The following C1orf159 variants were observed in gnomAD, a reference collection of about 807,000 sequenced individuals.
C1orf159 encodes the protein uncharacterized protein C1orf159.
C1orf159 carries 19 observed loss-of-function variants against 25.6 expected under a neutral mutation model. The ratio of observed to expected loss-of-function variants is 0.74; its 90% CI spans 0.52 to 1.09. The LOEUF (loss-of-function observed/expected upper bound fraction) is 1.09. Ranked by LOEUF, C1orf159 falls within the 50% of genes least tolerant of loss-of-function variation. C1orf159 has a pLI of 0.00. For synonymous variants in C1orf159, 139 were observed against 124.7 expected, an observed-to-expected ratio of 1.12 and a Z score of -0.77; for missense variants, 274 against 290.6, an observed-to-expected ratio of 0.94 and a Z score of 0.42.
At chr1:1,088,567 G>A (rs997681797) in intron 4 of C1orf159, among the ~76,000 whole-genome samples, 1 of 151,232 alleles carries the variant, frequency 6.6e-6, no homozygotes, top group Non-Finnish European at 1.5e-5. Context: ...CCAGGCCGAC[G>A]CTGCGCCTGA....
rs976854235 is a variant in C1orf159, at chr1:1,089,528, C to T, written c.148+825G>A. Among the ~76,000 whole-genome samples the T allele has an allele frequency of 3.3e-5, 5 of 152,152 alleles. No individual in the cohort carries two copies. The highest frequency in any genetic ancestry group is 2.9e-5 in the Non-Finnish European group (2 of 68,010). Reference sequence around the variant, plus strand: ...ACTGCCTTCCTGTGGGCTCCCCAACCCCCACGCCCAGCCTCGGACCCCCGC... The same window carrying T: ...ACTGCCTTCCTGTGGGCTCCCCAACTCCCACGCCCAGCCTCGGACCCCCGC... On this transcript the variant is annotated intron_variant, in intron 4 of 9. Transcript: ENST00000421241. The surrounding 1 kb of genome is among the most constrained non-coding windows in gnomAD (Gnocchi z 7.5).
Position 1,087,533 on chromosome 1 carries a change from G to A in C1orf159, c.213C>T (p.Leu71=), listed in dbSNP as rs1645851070. The A allele has an allele frequency of 1.9e-6, 3 of 1,549,798 alleles. No individual in the cohort carries two copies. Among genetic ancestry groups the A allele is most frequent in the Non-Finnish European group, 2.6e-6 (3 of 1,146,712 alleles). ...TACACTCGGAGCCGTTGTAGGCTGG[G>A]AGGGTTCCGTTCCCACAGCGGACGC... The part of the protein sequence containing the change: ...ASCVRCGNGT[L]PAYNGSECRS... The change falls in exon 5 of 10, where the codon CTC becomes CTT. Residue 71 remains leucine, a synonymous_variant. Coordinates refer to ENST00000421241, the MANE Select transcript of C1orf159 (RefSeq NM_017891.5). The surrounding 1 kb of genome is among the most constrained non-coding windows in gnomAD (Gnocchi z 8.3).
At position 1,082,909 on chromosome 1, in the gene C1orf159, C is replaced by A; in HGVS notation, c.581G>T (p.Arg194Leu). ...GCCTCCAGGTCAGACATTGCTGATA[C>A]GGGCCTCCCCCGGGAAGGCAGCGGG... ...TDPAAFPGEA[R>L]ISNV The change falls in exon 10 of 10, where the codon CGT becomes CTT. Residue 194 changes from arginine to leucine, a missense_variant. By Grantham distance (102) the Arg-to-Leu change is moderately radical. Coordinates refer to ENST00000421241, the MANE Select transcript of C1orf159 (RefSeq NM_017891.5). 1 of 1,595,214 alleles carries A rather than the reference C, an allele frequency of 6.3e-7. No homozygotes were observed. The highest frequency in any genetic ancestry group is 1.7e-4 in the Middle Eastern group (1 of 6,044).
intron 7 of C1orf159, 97 bp from the exon 8 acceptor site, chr1:1,084,603 C>A: frequency 6.7e-7 from 1 of 1,483,234 alleles, no homozygotes; most frequent in Non-Finnish European, 9.1e-7. Flanking sequence ...GGAGCTGCCT[C>A]AGCCTCAGCC....
intron 4 of C1orf159, 150 bp downstream of exon 4, chr1:1,090,203 C>T: frequency 8.6e-6 from 7 of 810,264 alleles, no homozygotes; most frequent in Non-Finnish European, 1.2e-5. Context: ...TGTCCTTCCC[C>T]AAGCTCCACA....
intron 1 of C1orf159, among the ~76,000 whole-genome samples, chr1:1,104,380 CTG>C (rs1342933165): frequency 6.6e-6 from 1 of 152,244 alleles, no homozygotes; most frequent in Non-Finnish European, 1.5e-5. Context: ...AAACAGGAAA[CTG>C]TGCTGGTTGC....
At chr1:1,083,152 C>G in intron 9 of C1orf159, 165 bp from the exon 10 acceptor site, 1 of 571,378 alleles carries the variant, frequency 1.8e-6, no homozygotes, top group Non-Finnish European at 3.1e-6. Context: ...GCCCCTAAGG[C>G]GCCCTCAGAG....
intron 1 of C1orf159, among the ~76,000 whole-genome samples, chr1:1,115,313 C>T (rs1018221364): frequency 1.4e-4 from 21 of 152,294 alleles, no homozygotes; most frequent in South Asian, 4.1e-4. Context: ...TAGCCCTCGG[C>T]TACTCCAGGT....
chr1:1,087,105 C>G lies in C1orf159; in HGVS notation c.310+34G>C. 1 of 1,594,292 alleles carries G rather than the reference C, an allele frequency of 6.3e-7. No individual in the cohort carries two copies. The highest frequency in any genetic ancestry group is 8.5e-7 in the Non-Finnish European group (1 of 1,172,156). ...CCGACGGCCCCCAGCCCCCAGGACA[C>G]CGGCAGAGGTGGCTGTGGCCTGCTG... On this transcript the variant is annotated intron_variant, in intron 6 of 9. Coordinates refer to ENST00000421241, the MANE Select transcript of C1orf159 (RefSeq NM_017891.5). The surrounding 1 kb of genome is among the most constrained non-coding windows in gnomAD (Gnocchi z 8.3).
chr1:1,082,416 G>A lies in C1orf159; in HGVS notation c.*477C>T. Reference sequence around the variant, plus strand: ...CCTCCCCACTGGCCGGGCACCGGCTGGAACGGCACGAGGACCAGCCTCACT... The same window carrying A: ...CCTCCCCACTGGCCGGGCACCGGCTAGAACGGCACGAGGACCAGCCTCACT... On this transcript the variant is annotated 3_prime_UTR_variant, in exon 10 of 10. Transcript: ENST00000421241. 1 of 176,142 alleles carries A rather than the reference G, an allele frequency of 5.7e-6. No individual in the cohort carries two copies. Among genetic ancestry groups the A allele is most frequent in the Non-Finnish European group, 1.2e-5 (1 of 81,522 alleles). The allele number at this position is 176,142 out of a possible 1,614,324, so 10.9% of individuals were successfully genotyped here. A position where few individuals can be genotyped will look rare whatever the true frequency, so the allele number is the denominator to read the frequency against.
chr1:1,098,736 C>T (rs982425697), intron 1 of C1orf159, among the ~76,000 whole-genome samples: 3 of 152,116 alleles, frequency 2.0e-5, no homozygotes, highest in African/African-American at 4.8e-5. Context: ...CTCAGCCTCC[C>T]GAGGAGCTGG....
At position 1,097,720 on chromosome 1, in the gene C1orf159, C is replaced by G. The variant is rs552506576; in HGVS notation, c.-135-5617G>C. Among the ~76,000 whole-genome samples, 10 of 151,874 alleles carry G rather than the reference C, an allele frequency of 6.6e-5. No homozygotes were observed. In the South Asian group the frequency reaches 2.1e-3, roughly 32 times the overall value. On this transcript the variant is annotated intron_variant, in intron 1 of 9. Transcript: ENST00000421241. ...TTACAGGCGTGAACCACCCACCTCA[C>G]CTGGCTCTTTCTTCTTTCTTAAAAT... is the stretch of plus-strand genomic sequence containing the variant.
intron 1 of C1orf159, among the ~76,000 whole-genome samples, chr1:1,108,063 C>G (rs1402973381): frequency 6.6e-6 from 1 of 152,122 alleles, no homozygotes; most frequent in African/African-American, 2.4e-5. Flanking sequence ...CACCATTCAC[C>G]ACAGCCACCA....
chr1:1,112,448 C>G (rs970230866), intron 1 of C1orf159, among the ~76,000 whole-genome samples: 25 of 151,648 alleles, frequency 1.6e-4, no homozygotes, highest in Non-Finnish European at 4.4e-5. Context: ...GAACACACAG[C>G]GCATGCTCCC....
chr1:1,110,859 C>T lies in C1orf159; in HGVS notation c.-136+5201G>A, dbSNP rs775215430. On this transcript the variant is annotated intron_variant, in intron 1 of 9. Coordinates refer to ENST00000421241, the MANE Select transcript of C1orf159 (RefSeq NM_017891.5). The surrounding 1 kb of genome is among the most constrained non-coding windows in gnomAD (Gnocchi z 4.8). ...AGTTCTCTGCGTGAGCCGTGGCAGA[C>T]GCAAAACCGCCCGCACGTGTGACTC... Among the ~76,000 whole-genome samples the T allele has an allele frequency of 5.3e-5, 8 of 152,240 alleles. No homozygotes were observed. The highest frequency in any genetic ancestry group is 1.0e-4 in the Non-Finnish European group (7 of 68,044).
chr1:1,086,163 T>A (rs1645827808), intron 6 of C1orf159, among the ~76,000 whole-genome samples, 151 bp from the exon 7 acceptor site: 1 of 152,212 alleles, frequency 6.6e-6, no homozygotes, highest in South Asian at 2.1e-4. Flanking sequence ...GCTCTGCACA[T>A]GGGCCTGGGT....
rs1016242102 is a variant in C1orf159, at chr1:1,090,969, G to A, written c.72+503C>T. The A allele has an allele frequency of 1.4e-5, 21 of 1,550,078 alleles. No individual in the cohort carries two copies. The Admixed American group carries it at 2.6e-4, about 19-fold the overall frequency. ...CAGCTTGTGTGTTGATCACAGCTGT[G>A]CTGTTTCTCGTGACCTGAATGCAGT... On this transcript the variant is annotated intron_variant, in intron 3 of 9. Transcript: ENST00000421241.
rs1390092442 is a variant in C1orf159, at chr1:1,089,662, G to GGGTTCTTCC, written c.148+690_148+691insGGAAGAACC. ...GGGTTCTTCCATCATGGGAGGGCTG[G>GGGTTCTTCC]ACCCCCAGGATGGGAGTGCCAAGGC... On this transcript the variant is annotated intron_variant, in intron 4 of 9. Coordinates refer to ENST00000421241, the MANE Select transcript of C1orf159 (RefSeq NM_017891.5). The surrounding 1 kb of genome is among the most constrained non-coding windows in gnomAD (Gnocchi z 7.5). Among the ~76,000 whole-genome samples, 3 of 152,102 alleles carry GGGTTCTTCC rather than the reference G, an allele frequency of 2.0e-5. No individual in the cohort carries two copies. Among genetic ancestry groups the GGGTTCTTCC allele is most frequent in the Non-Finnish European group, 4.4e-5 (3 of 68,010 alleles).
At chr1:1,090,805 G>A in intron 3 of C1orf159, 2 of 1,297,186 alleles carry the variant, frequency 1.5e-6, no homozygotes, top group South Asian at 2.5e-5. Context: ...GGGCCTGGCT[G>A]GCATTTCAGG....
Sources: gnomAD v4.1 joint callset for allele counts (sites outside exome capture counted in the v4.1 genomes callset) on GRCh38, gnomAD v4.1.1 for gene constraint, Gnocchi (gnomAD v3.1) non-coding constraint, MANE v1.5 for transcripts, NCBI Gene and HGNC (gene_info 2026-07-23, HGNC 2026-07-21) for gene names.